KIF20B: variants seen among roughly 807,000 people sequenced by gnomAD.
KIF20B encodes kinesin-like protein KIF20B.
Under a neutral mutation model 232.5 loss-of-function variants are expected in KIF20B, and 188 were observed. The ratio of observed to expected loss-of-function variants is 0.81; its 90% CI spans 0.72 to 0.91. KIF20B has a LOEUF of 0.91. KIF20B is among the 40% of genes least tolerant of loss of function. The pLI is 0.00. For synonymous variants in KIF20B, 712 were observed against 683.0 expected (o/e 1.04, Z -0.66); for missense variants, 2,154 against 2,055.9 (o/e 1.05, Z -0.92).
chr10:89,716,481 T>C lies in KIF20B; in HGVS notation c.986T>C (p.Leu329Pro), dbSNP rs769919021. 6.3e-7 allele frequency: 1 copy of C among 1,590,850 alleles called. No homozygotes were observed. The highest frequency in any genetic ancestry group is 8.6e-7 in the Non-Finnish European group (1 of 1,166,358). The change falls in exon 9 of 33, where the codon CTT becomes CCT. Residue 329 changes from leucine (L) to proline (P), a missense_variant. Physicochemically the swap from Leu to Pro is moderately conservative, Grantham distance 98 (BLOSUM62 -3). Transcript: ENST00000371728. ...TCTGATTCCAAAGAAGCCTATAGAC[T>C]TTTAAAACTAGGAATAAAGCACCAG... ...QVSDSKEAYR[L>P]LKLGIKHQSV...
Position 89,750,092 on chromosome 10 carries a change from G to A in KIF20B, c.4097-1254G>A, listed in dbSNP as rs187636900. 5.7e-4 allele frequency among the ~76,000 whole-genome samples: 86 copies of A among 152,154 alleles called. No individual in the cohort carries two copies. The East Asian group carries it at 0.012, about 21-fold the overall frequency. On this transcript the variant is annotated intron_variant, in intron 23 of 32. Coordinates refer to ENST00000371728, the MANE Select transcript of KIF20B (RefSeq NM_001284259.2). ...TTCCTGAAATAAAATGTAAATTACT[G>A]GAGTCAATGACTGATTAAATAATTA... is the stretch of plus-strand genomic sequence containing the variant.
chr10:89,762,592 A>ATG, intron 28 of KIF20B, 46 bp from the exon 29 acceptor site: 1 of 1,426,494 alleles, frequency 7.0e-7, no homozygotes, highest in Non-Finnish European at 9.8e-7. Flanking sequence ...TGGTTTATAA[A>ATG]TGTATACTCT....
Position 89,772,840 on chromosome 10 carries a change from G to A in KIF20B, c.5385+9G>A, listed in dbSNP as rs527743931. On this transcript the variant is annotated intron_variant, in intron 32 of 32. Transcript: ENST00000371728. ...ATATATCAGGCCAAGTGGTAAGCTAGTATTTCTGTTTTCATCAATGTAGAA... is the reference window on the plus strand; with the variant it reads ...ATATATCAGGCCAAGTGGTAAGCTAATATTTCTGTTTTCATCAATGTAGAA... 6.3e-7 allele frequency: 1 copy of A among 1,597,442 alleles called. No homozygotes were observed. Among genetic ancestry groups the A allele is most frequent in the Non-Finnish European group, 8.5e-7 (1 of 1,173,726 alleles).
chr10:89,773,165 T>G (rs1842500945), intron 32 of KIF20B, among the ~76,000 whole-genome samples: 1 of 151,894 alleles, frequency 6.6e-6, no homozygotes, highest in Admixed American at 6.6e-5. Context: ...TGGGCCCAAG[T>G]GTTCCTGGTA....
chr10:89,760,670 T>G (rs1232143576), intron 28 of KIF20B, 34 bp downstream of exon 28: 1 of 1,253,950 alleles, frequency 8.0e-7, no homozygotes, highest in Non-Finnish European at 1.2e-6. Context: ...ACTTATTTAT[T>G]CTCTTTATCC....
Position 89,711,000 on chromosome 10 carries a change from A to T in KIF20B, c.530A>T (p.Asn177Ile). Reference protein sequence around the residue: ...ENIGILPRTLNVLFDSLQERL... With the variant: ...ENIGILPRTLIVLFDSLQERL... ...ATTGGCATTCTGCCTCGAACTTTGA[A>T]TGTATTATTTGATAGTCTTCAAGAA... The change falls in exon 6 of 33, where the codon AAT (asparagine) becomes ATT (isoleucine). Residue 177 changes from asparagine to isoleucine, a missense_variant. Coordinates refer to ENST00000371728, the MANE Select transcript of KIF20B (RefSeq NM_001284259.2). The T allele has an allele frequency of 6.2e-7, 1 of 1,606,726 alleles. No homozygotes were observed. The highest frequency in any genetic ancestry group is 1.1e-5 in the South Asian group (1 of 89,348).
At chr10:89,768,437 C>A in intron 30 of KIF20B, 46 bp downstream of exon 30, 1 of 1,135,390 alleles carries the variant, frequency 8.8e-7, no homozygotes, top group Non-Finnish European at 1.3e-6. Flanking sequence ...ATCCAGAAAT[C>A]CAGTTGTGTT....
intron 24 of KIF20B, among the ~76,000 whole-genome samples, chr10:89,752,111 ATTC>A (rs1412541041): frequency 6.6e-6 from 1 of 152,030 alleles, no homozygotes; most frequent in Non-Finnish European, 1.5e-5. Context: ...ATTGTACATT[ATTC>A]TTATCAAGAT....
intron 6 of KIF20B, among the ~76,000 whole-genome samples, chr10:89,711,687 T>C (rs959164593): frequency 1.3e-5 from 2 of 152,068 alleles, no homozygotes; most frequent in African/African-American, 4.8e-5. Flanking sequence ...TAATTTTTTT[T>C]TTTAAACAAA....
rs1589867550 is a variant in KIF20B at position 89,738,191 on chromosome 10, AAG to A, written c.3352_3353del (p.Glu1118AsnfsTer18). The stretch of plus-strand genomic sequence containing the variant: ...AACCAAGATGACCTACTAAAAGAAA[AAG>A]AAACTCTTATACAGCAGCTGAAAGA... On this transcript the variant is annotated frameshift_variant, in exon 20 of 33. Coordinates refer to ENST00000371728, the MANE Select transcript of KIF20B (RefSeq NM_001284259.2). LOFTEE classifies it high-confidence loss of function. The A allele has an allele frequency of 1.9e-6, 3 of 1,606,252 alleles. No homozygotes were observed. The highest frequency in any genetic ancestry group is 1.3e-5 in the African/African-American group (1 of 74,306).
intron 13 of KIF20B, among the ~76,000 whole-genome samples, chr10:89,722,380 A>G (rs539759745): frequency 6.6e-6 from 1 of 152,164 alleles, no homozygotes. Flanking sequence ...GAAAACTATT[A>G]AACTTCCCGC....
rs767289918 is a variant in KIF20B at position 89,718,773 on chromosome 10, T to C, written c.1335T>C (p.Asn445=). Residue 445 remains asparagine, a synonymous_variant, in exon 12 of 33, where the codon AAT becomes AAC. Coordinates refer to ENST00000371728, the MANE Select transcript of KIF20B (RefSeq NM_001284259.2). ...KLTHYFQSFF[N]GKGKICMIVN... ...CTCACTATTTTCAAAGTTTTTTTAA[T>C]GGTAAAGGGAAAATTTGTATGATTG... The C allele has an allele frequency of 3.1e-6, 5 of 1,611,664 alleles. No individual in the cohort carries two copies. In the African/African-American group the frequency reaches 5.3e-5, roughly 17 times the overall value.
Position 89,709,445 on chromosome 10 carries a change from A to G in KIF20B, c.335A>G (p.Lys112Arg). ...SEKSSGQMAQ[K>R]FSFSKVFGPA... ...AAAAGCTCAGGGCAGATGGCACAGA[A>G]ATTCAGTTTTTCCAAGGTAAAACTG... The change falls in exon 4 of 33, where the codon AAA becomes AGA. Residue 112 changes from lysine (K) to arginine (R), a missense_variant. Lys to Arg is a conservative substitution (Grantham distance 26, BLOSUM62 2). Transcript: ENST00000371728. The G allele has an allele frequency of 6.2e-7, 1 of 1,611,378 alleles. No individual in the cohort carries two copies. The highest frequency in any genetic ancestry group is 1.1e-5 in the South Asian group (1 of 90,852).
At position 89,738,138 on chromosome 10, in the gene KIF20B, C is replaced by G. The variant is rs767799601; in HGVS notation, c.3297C>G (p.Asn1099Lys). The G allele has an allele frequency of 6.4e-7, 1 of 1,551,400 alleles. No homozygotes were observed. The highest frequency in any genetic ancestry group is 8.7e-7 in the Non-Finnish European group (1 of 1,144,936). Residue 1099 changes from asparagine (N) to lysine (K), a missense_variant, in exon 20 of 33, where the codon AAC becomes AAG. Asn to Lys is a moderately conservative substitution (Grantham distance 94, BLOSUM62 0). Coordinates refer to ENST00000371728, the MANE Select transcript of KIF20B (RefSeq NM_001284259.2). ...QAEVKGYKDE[N>K]NRLKEKEHKN... The stretch of plus-strand genomic sequence containing the variant: ...AAGTAAAAGGCTATAAGGATGAAAA[C>G]AATAGACTAAAGGAGAAGGAGCATA...
rs567549588 is a variant in KIF20B at position 89,708,970 on chromosome 10, T to C, written c.148-197T>C. On this transcript the variant is annotated intron_variant, in intron 2 of 32. Transcript: ENST00000371728. ...AATACAGGAGATGGAGGAAATTGGA[T>C]CTTTTTTGGTGTATTTTGTTTTTAT... is the stretch of plus-strand genomic sequence containing the variant. Among the ~76,000 whole-genome samples, 3 of 152,262 alleles carry C rather than the reference T, an allele frequency of 2.0e-5. No homozygotes were observed. In the South Asian group the frequency reaches 6.2e-4, roughly 32 times the overall value.
At chr10:89,708,909 T>C (rs1184163647) in intron 2 of KIF20B, among the ~76,000 whole-genome samples, 2 of 152,198 alleles carry the variant, frequency 1.3e-5, no homozygotes, top group Non-Finnish European at 2.9e-5. Flanking sequence ...TATTAGGCTT[T>C]TGTGGAATAA....
chr10:89,729,955 T>G (rs1843283579), intron 18 of KIF20B, among the ~76,000 whole-genome samples: 2 of 152,188 alleles, frequency 1.3e-5, no homozygotes, highest in African/African-American at 4.8e-5. Context: ...CTTGCTTTGT[T>G]GAAAGGTGCT....
intron 22 of KIF20B, among the ~76,000 whole-genome samples, chr10:89,745,599 T>A (rs1257043612): frequency 1.3e-5 from 2 of 152,088 alleles, no homozygotes; most frequent in East Asian, 3.8e-4. Context: ...ATTTTAATTT[T>A]AATTTTTATT....
At position 89,760,653 on chromosome 10, in the gene KIF20B, A is replaced by ACAGT; in HGVS notation, c.4791+19_4791+22dup. On this transcript the variant is annotated intron_variant, in intron 28 of 32. Transcript: ENST00000371728. ...AAAATAGAGGTGGGTATTTGGCAGC[A>ACAGT]CAGTCCACTTATTTATTCTCTTTAT... 1 of 1,385,628 alleles carries ACAGT rather than the reference A, an allele frequency of 7.2e-7. No individual in the cohort carries two copies. Among genetic ancestry groups the ACAGT allele is most frequent in the Non-Finnish European group, 1.0e-6 (1 of 973,320 alleles). The allele number at this position is 1,385,628 out of a possible 1,614,324, so 85.8% of individuals were successfully genotyped here. A position where few individuals can be genotyped will look rare whatever the true frequency, so the allele number is the denominator to read the frequency against.
Sources: gnomAD v4.1 joint callset for allele counts (sites outside exome capture counted in the v4.1 genomes callset) on GRCh38, gnomAD v4.1.1 for gene constraint, MANE v1.5 for transcripts, NCBI Gene and HGNC (gene_info 2026-07-23, HGNC 2026-07-21) for gene names.